AP4E1: variants seen among roughly 807,000 people sequenced by gnomAD.
The protein encoded by AP4E1 is adaptor related protein complex 4 subunit epsilon 1.
A neutral mutation model predicts 128.2 loss-of-function variants in AP4E1; 56 were observed. That is an observed-to-expected ratio of 0.44 (90% CI 0.35 to 0.55). AP4E1 has a LOEUF of 0.55. Ranked by LOEUF, AP4E1 falls within the 20% of genes least tolerant of loss-of-function variation. The pLI, the probability that AP4E1 is intolerant of heterozygous loss-of-function variation, is 0.00. For synonymous variants in AP4E1, 484 were observed against 473.1 expected (o/e 1.02, Z -0.30); for missense variants, 1,324 against 1,307.7 (o/e 1.01, Z -0.19).
intron 11 of AP4E1, among the ~76,000 whole-genome samples, chr15:50,948,592 C>G (rs2064098239): frequency 2.0e-5 from 3 of 152,114 alleles, no homozygotes; most frequent in Admixed American, 2.0e-4. Flanking sequence ...GTTGGGAACT[C>G]TATTAACATG....
chr15:50,997,592 T>C lies in AP4E1; in HGVS notation c.2613T>C (p.Ser871=), dbSNP rs2064894963. Residue 871 remains serine, a synonymous_variant, in exon 18 of 21, where the codon AGT becomes AGC. Coordinates refer to ENST00000261842, the MANE Select transcript of AP4E1 (RefSeq NM_007347.5). ...LPLVEKFSYC[S]LSTPSLFANN... ...TGGTTGAGAAATTCTCATATTGTAG[T>C]CTGTCTACACCTTCATTGTTTGCTA... The C allele has an allele frequency of 1.2e-6, 2 of 1,613,948 alleles. No homozygotes were observed. Among genetic ancestry groups the C allele is most frequent in the African/African-American group, 2.7e-5 (2 of 74,916 alleles).
intron 13 of AP4E1, among the ~76,000 whole-genome samples, chr15:50,951,528 G>A (rs1285900154): frequency 6.6e-6 from 1 of 152,020 alleles, no homozygotes; most frequent in Non-Finnish European, 1.5e-5. Flanking sequence ...ATAGGTGAGT[G>A]TTTCTTTAGG....
chr15:50,999,364 A>T, intron 19 of AP4E1, 102 bp downstream of exon 19: 1 of 972,370 alleles, frequency 1.0e-6, no homozygotes, highest in East Asian at 2.6e-5. Context: ...AGGGAGTATA[A>T]CAGTTAAAAA....
chr15:50,941,522 G>T lies in AP4E1; in HGVS notation c.1024G>T (p.Gly342Ter). The T allele has an allele frequency of 6.2e-7, 1 of 1,613,080 alleles. No individual in the cohort carries two copies. The highest frequency in any genetic ancestry group is 1.1e-5 in the South Asian group (1 of 91,028). ...ELLEKAAKCIGKFVLSPKINL... is the reference protein window; with the variant it reads ...ELLEKAAKCI ...ACTTGAGAAGGCTGCCAAGTGCATTGGAAAATTTGTTCTGTCACCTAAAAT... is the reference window on the plus strand; with the variant it reads ...ACTTGAGAAGGCTGCCAAGTGCATTTGAAAATTTGTTCTGTCACCTAAAAT... Residue 342 changes from glycine to a stop codon, truncating the protein, a stop_gained, in exon 9 of 21, where the codon GGA (glycine) becomes TGA (stop). Transcript: ENST00000261842. LOFTEE classifies it high-confidence loss of function.
chr15:50,910,564 T>TA lies in AP4E1; in HGVS notation c.151-1506dup, dbSNP rs542679359. Among the ~76,000 whole-genome samples the TA allele has an allele frequency of 4.1e-4, 63 of 152,218 alleles. No individual in the cohort carries two copies. The South Asian group carries it at 1.0e-2, about 24-fold the overall frequency. On this transcript the variant is annotated intron_variant, in intron 1 of 20. Transcript: ENST00000261842. ...CAGAAAAGAAAGTGCTCTGAAGGTT[T>TA]AAAAAAAATATTTTTTTGGCAGCTC...
At chr15:50,940,333 G>T (rs1448116216) in intron 8 of AP4E1, among the ~76,000 whole-genome samples, 1 of 151,994 alleles carries the variant, frequency 6.6e-6, no homozygotes, top group Non-Finnish European at 1.5e-5. Context: ...TGTTATAGAA[G>T]AGGTTTAAAA....
At chr15:50,957,422 A>C (rs1486881679) in intron 13 of AP4E1, among the ~76,000 whole-genome samples, 1 of 152,040 alleles carries the variant, frequency 6.6e-6, no homozygotes, top group Admixed American at 6.6e-5. Context: ...GGGTCTTTAT[A>C]GGCACAGGAT....
chr15:50,951,614 A>G (rs1181511024), intron 13 of AP4E1, among the ~76,000 whole-genome samples: 1 of 152,142 alleles, frequency 6.6e-6, no homozygotes, highest in Non-Finnish European at 1.5e-5. Flanking sequence ...TGTTAGCTTA[A>G]ATTTTCCCCA....
intron 3 of AP4E1, among the ~76,000 whole-genome samples, chr15:50,918,909 T>C (rs534829455): frequency 5.3e-5 from 8 of 152,316 alleles, no homozygotes; most frequent in African/African-American, 1.7e-4. Context: ...TTTTGATTTT[T>C]TTTTTTGTTG....
rs140709380 is a variant in AP4E1, at chr15:50,996,083, A to T, written c.2347-1243A>T. Among the ~76,000 whole-genome samples the T allele has an allele frequency of 1.8e-3, 265 of 147,160 alleles. 1 individual carries two copies. The highest frequency in any genetic ancestry group is 6.5e-3 in the African/African-American group (256 of 39,634). On this transcript the variant is annotated intron_variant, in intron 17 of 20. Coordinates refer to ENST00000261842, the MANE Select transcript of AP4E1 (RefSeq NM_007347.5). The stretch of plus-strand genomic sequence containing the variant: ...AGCTTACTGCAACCTCTGCCTCCCA[A>T]GTTCAAGCAATTCTCCTGCCTCAGT...
intron 16 of AP4E1, among the ~76,000 whole-genome samples, chr15:50,988,214 T>G (rs766039265): frequency 2.6e-5 from 4 of 152,222 alleles, no homozygotes; most frequent in African/African-American, 7.2e-5. Context: ...CATTATAAAT[T>G]GAAAATATCG....
chr15:50,910,295 C>T (rs1264001155), intron 1 of AP4E1, among the ~76,000 whole-genome samples: 1 of 151,830 alleles, frequency 6.6e-6, no homozygotes, highest in Admixed American at 6.6e-5. Flanking sequence ...CACAGGCGCT[C>T]GATGGTTGCA....
At chr15:50,975,550 G>A (rs2064539650) in intron 15 of AP4E1, among the ~76,000 whole-genome samples, 1 of 145,650 alleles carries the variant, frequency 6.9e-6, no homozygotes, top group Admixed American at 6.8e-5. Flanking sequence ...TTGTTGAGAA[G>A]ACTGTCCTTT....
rs750406503 is a variant in AP4E1 at position 50,968,271 on chromosome 15, T to C, written c.1860T>C (p.Ala620=). 3.7e-6 allele frequency: 6 copies of C among 1,612,142 alleles called. No homozygotes were observed. In the South Asian group the frequency reaches 6.6e-5, roughly 18 times the overall value. ...GCTTAATTTTAATATAGGTAGATGC[T>C]TCTTTATCTTTTCTGGATGGTTTTG... The part of the protein sequence containing the change: ...DRSCEDLVVD[A]SLSFLDGFVA... Residue 620 remains alanine (A), a synonymous_variant, in exon 15 of 21, where the codon GCT becomes GCC. Coordinates refer to ENST00000261842, the MANE Select transcript of AP4E1 (RefSeq NM_007347.5).
chr15:50,924,782 C>T (rs1208537024), intron 4 of AP4E1, among the ~76,000 whole-genome samples: 1 of 152,106 alleles, frequency 6.6e-6, no homozygotes, highest in Non-Finnish European at 1.5e-5. Context: ...ATAAGAAAAA[C>T]TCATAAAATT....
intron 8 of AP4E1, among the ~76,000 whole-genome samples, chr15:50,938,011 A>G (rs751312642): frequency 2.6e-5 from 4 of 152,218 alleles, no homozygotes; most frequent in Non-Finnish European, 2.9e-5. Context: ...AAAAGCCATC[A>G]AAAGTAGGTA....
At chr15:51,001,219 T>C (rs1298363954) in intron 20 of AP4E1, 36 bp downstream of exon 20, 1 of 1,585,110 alleles carries the variant, frequency 6.3e-7, no homozygotes, top group South Asian at 1.1e-5. Flanking sequence ...TCTGTGTTTA[T>C]AGGAGCTTTC....
At chr15:50,909,749 G>A (rs1336207913) in intron 1 of AP4E1, among the ~76,000 whole-genome samples, 3 of 151,948 alleles carry the variant, frequency 2.0e-5, no homozygotes, top group African/African-American at 4.8e-5. Flanking sequence ...GTGCAGTGGC[G>A]CGATCTGGGC....
At chr15:50,981,572 C>G (rs1221669409) in intron 15 of AP4E1, among the ~76,000 whole-genome samples, 3 of 152,130 alleles carry the variant, frequency 2.0e-5, no homozygotes, top group Non-Finnish European at 2.9e-5. Flanking sequence ...GCTTTTGAGA[C>G]TTGTAATGGA....
Sources: allele counts gnomAD v4.1 joint callset (sites outside exome capture counted in the v4.1 genomes callset), GRCh38; gene constraint gnomAD v4.1.1; transcripts MANE v1.5; gene names NCBI Gene and HGNC (gene_info 2026-07-23, HGNC 2026-07-21).